The following SLAMF1 variants were observed in gnomAD, a reference collection of about 807,000 sequenced individuals.
SLAMF1 encodes signaling lymphocytic activation molecule.
In SLAMF1, 18 loss-of-function variants were observed where a neutral mutation model predicts 35.1. The observed-to-expected ratio is 0.51, with a 90% confidence interval of 0.35 to 0.76. The LOEUF (loss-of-function observed/expected upper bound fraction) is 0.76. Among genes scored for constraint, SLAMF1 ranks in the 30% least tolerant of loss-of-function variants. SLAMF1 has a pLI of 0.01. For synonymous variants in SLAMF1, 168 were observed against 157.2 expected (o/e 1.07, Z -0.51); for missense variants, 392 against 413.0 (o/e 0.95, Z 0.44).
At chr1:160,617,590 G>A (rs188986012) in intron 5 of SLAMF1, among the ~76,000 whole-genome samples, 10 of 152,042 alleles carry the variant, frequency 6.6e-5, no homozygotes, top group Admixed American at 5.9e-4. Context: ...AAAGAATAAA[G>A]AATTCAATTT....
At chr1:160,621,680 C>T (rs933976832) in intron 4 of SLAMF1, among the ~76,000 whole-genome samples, 2 of 151,078 alleles carry the variant, frequency 1.3e-5, no homozygotes, top group Non-Finnish European at 2.9e-5. Flanking sequence ...GAATGTGCTG[C>T]GTGAGGGTGT....
intron 4 of SLAMF1, chr1:160,623,583 T>G (rs1659728528): frequency 2.5e-6 from 1 of 398,752 alleles, no homozygotes; most frequent in Non-Finnish European, 4.4e-6. Context: ...GTAGTCAAGG[T>G]GGCTGAGGGG....
rs1658793016 is a variant in SLAMF1, at chr1:160,608,115, T to A, written c.*2633A>T. The A allele has an allele frequency of 6.6e-6, 1 of 152,342 alleles. No homozygotes were observed. The highest frequency in any genetic ancestry group is 6.5e-5 in the Admixed American group (1 of 15,298). 9.4% of individuals were successfully genotyped at this position (152,342 alleles called of 1,614,324 possible). On this transcript the variant is annotated 3_prime_UTR_variant, in exon 7 of 7. Transcript: ENST00000302035. ...CAAGACAAAATTGCAATTTCCTTGA[T>A]GGACTGGCTGTAATTTATTCATTTC... is the stretch of plus-strand genomic sequence containing the variant.
chr1:160,627,459 CA>C (rs1659940551), intron 3 of SLAMF1, among the ~76,000 whole-genome samples: 1 of 152,084 alleles, frequency 6.6e-6, no homozygotes, highest in Non-Finnish European at 1.5e-5. Flanking sequence ...ATCTTAAGTC[CA>C]AAGGAGTCTC....
chr1:160,622,917 T>G (rs1659694963), intron 4 of SLAMF1, among the ~76,000 whole-genome samples: 1 of 152,200 alleles, frequency 6.6e-6, no homozygotes, highest in African/African-American at 2.4e-5. Flanking sequence ...TTAGCAAGGT[T>G]TTATGAAAGG....
At chr1:160,632,489 G>A (rs1660214048) in intron 3 of SLAMF1, among the ~76,000 whole-genome samples, 1 of 152,184 alleles carries the variant, frequency 6.6e-6, no homozygotes, top group African/African-American at 2.4e-5. Context: ...GAGTGGCTTA[G>A]ATGGGTAAGT....
At chr1:160,640,912 T>A (rs977690766) in intron 1 of SLAMF1, among the ~76,000 whole-genome samples, 2 of 152,176 alleles carry the variant, frequency 1.3e-5, no homozygotes, top group Admixed American at 1.3e-4. Context: ...GTGGTGGTGG[T>A]TGTTTTTACA....
chr1:160,634,727 G>T lies in SLAMF1; in HGVS notation c.586C>A (p.Leu196Ile). The stretch of plus-strand genomic sequence containing the variant: ...TCAGCATGCTGGGGGCCGAGGGTGA[G>T]GGACAGGAGGTGGGAGCTGTTGGCT... The part of the protein sequence containing the change: ...NPANSSHLLS[L>I]TLGPQHADNI... Residue 196 changes from leucine to isoleucine, a missense_variant, in exon 3 of 7, where the codon CTC (leucine) becomes ATC (isoleucine). By Grantham distance (5) the Leu-to-Ile change is conservative (BLOSUM62 2). Coordinates refer to ENST00000302035, the MANE Select transcript of SLAMF1 (RefSeq NM_003037.5). The T allele has an allele frequency of 6.2e-7, 1 of 1,614,208 alleles. No individual in the cohort carries two copies. The highest frequency in any genetic ancestry group is 8.5e-7 in the Non-Finnish European group (1 of 1,180,034).
Position 160,624,581 on chromosome 1 carries a change from G to A in SLAMF1, c.701-396C>T, listed in dbSNP as rs144410457. On this transcript the variant is annotated intron_variant, in intron 3 of 6. Transcript: ENST00000302035. ...AGAGAATATAATGGTTCCATGTGCC[G>A]TCCCTGTGAATTCACGCTATTCTCA... is the stretch of plus-strand genomic sequence containing the variant. 1.4e-4 allele frequency among the ~76,000 whole-genome samples: 22 copies of A among 152,228 alleles called. No homozygotes were observed. The East Asian group carries it at 2.9e-3, about 20-fold the overall frequency.
At position 160,642,738 on chromosome 1, in the gene SLAMF1, G is replaced by C. The variant is rs1460503973; in HGVS notation, c.76+4132C>G. ...AAGAGGTATATTATGGAAGAAAGTG[G>C]TGGGGACCCTTTTCCCCACTTGCCA... On this transcript the variant is annotated intron_variant, in intron 1 of 6. Coordinates refer to ENST00000302035, the MANE Select transcript of SLAMF1 (RefSeq NM_003037.5). This position sits in a 1 kb window ranked among gnomAD's most constrained non-coding sequence, Gnocchi z 4.2. Among the ~76,000 whole-genome samples, 1 of 152,176 alleles carries C rather than the reference G, an allele frequency of 6.6e-6. No individual in the cohort carries two copies. The highest frequency in any genetic ancestry group is 2.4e-5 in the African/African-American group (1 of 41,452).
chr1:160,644,812 A>G (rs79296898), intron 1 of SLAMF1, among the ~76,000 whole-genome samples: 3,131 of 152,320 alleles, frequency 0.021, 53 homozygotes, highest in South Asian at 0.041. Flanking sequence ...TGGGCCACTG[A>G]ACACGCAAGG....
chr1:160,628,814 C>T (rs1443775317), intron 3 of SLAMF1, among the ~76,000 whole-genome samples: 1 of 152,228 alleles, frequency 6.6e-6, no homozygotes, highest in African/African-American at 2.4e-5. Flanking sequence ...AAGTGACCCA[C>T]TTGGCTTATA....
chr1:160,621,102 CT>C (rs1439705136), intron 4 of SLAMF1, among the ~76,000 whole-genome samples: 2 of 152,140 alleles, frequency 1.3e-5, no homozygotes, highest in Non-Finnish European at 2.9e-5. Context: ...GCACAGTATC[CT>C]TTGTATACAT....
intron 3 of SLAMF1, among the ~76,000 whole-genome samples, chr1:160,630,286 A>C (rs907335432): frequency 6.6e-6 from 1 of 152,242 alleles, no homozygotes; most frequent in Non-Finnish European, 1.5e-5. Flanking sequence ...TATGATAGAC[A>C]TTAACACACT....
Position 160,609,587 on chromosome 1 carries a change from G to A in SLAMF1, c.*1161C>T, listed in dbSNP as rs974453792. 10 of 152,164 alleles carry A rather than the reference G, an allele frequency of 6.6e-5. No homozygotes were observed. Among genetic ancestry groups the A allele is most frequent in the African/African-American group, 2.4e-4 (10 of 41,434 alleles). 9.4% of individuals were successfully genotyped at this position (152,164 alleles called of 1,614,324 possible). A position where few individuals can be genotyped will look rare whatever the true frequency, so the allele number is the denominator to read the frequency against. ...ATAAGAAACAATAAGAAAAAGCAGG[G>A]CTTAAATTGAGGACAGCCTGTCTAA... is the stretch of plus-strand genomic sequence containing the variant. On this transcript the variant is annotated 3_prime_UTR_variant, in exon 7 of 7. Transcript: ENST00000302035.
intron 1 of SLAMF1, among the ~76,000 whole-genome samples, chr1:160,641,125 T>C (rs955144711): frequency 6.6e-6 from 1 of 152,194 alleles, no homozygotes; most frequent in Non-Finnish European, 1.5e-5. Context: ...AGTATGAACT[T>C]CCAGACTTTT....
intron 4 of SLAMF1, among the ~76,000 whole-genome samples, chr1:160,621,847 C>A (rs961679809): frequency 2.6e-5 from 3 of 116,472 alleles, no homozygotes; most frequent in African/African-American, 1.2e-4. Context: ...GAGGAGTGTG[C>A]GTGAGTGCGT....
intron 6 of SLAMF1, among the ~76,000 whole-genome samples, chr1:160,611,342 A>C (rs1235903855): frequency 6.6e-6 from 1 of 152,224 alleles, no homozygotes; most frequent in African/African-American, 2.4e-5. Flanking sequence ...TTTTGTCCTT[A>C]AGTAAACTTC....
intron 4 of SLAMF1, among the ~76,000 whole-genome samples, chr1:160,623,279 A>G (rs945703834): frequency 6.6e-6 from 1 of 152,126 alleles, no homozygotes; most frequent in Non-Finnish European, 1.5e-5. Context: ...CCTAATTTCT[A>G]TCTGAATCAC....
Sources: gnomAD v4.1 joint callset for allele counts (sites outside exome capture counted in the v4.1 genomes callset) on GRCh38, gnomAD v4.1.1 for gene constraint, Gnocchi (gnomAD v3.1) non-coding constraint, MANE v1.5 for transcripts, NCBI Gene and HGNC (gene_info 2026-07-23, HGNC 2026-07-21) for gene names.